Variants in DPF3 observed in about 807,000 individuals in gnomAD.
DPF3 encodes double PHD fingers 3, also known as zinc finger protein DPF3.
DPF3 carries 18 observed loss-of-function variants against 56.8 expected under a neutral mutation model. The observed-to-expected ratio is 0.32, with a 90% confidence interval of 0.22 to 0.47. DPF3 has a LOEUF of 0.47. DPF3 is among the 20% of genes least tolerant of loss of function. The pLI is 1.00. For synonymous variants in DPF3, 188 were observed against 180.2 expected (o/e 1.04, Z -0.35); for missense variants, 403 against 488.8 (o/e 0.82, Z 1.65).
intron 8 of DPF3, among the ~76,000 whole-genome samples, chr14:72,672,361 A>G (rs765135323): frequency 6.6e-6 from 1 of 152,110 alleles, no homozygotes; most frequent in African/African-American, 2.4e-5. Flanking sequence ...GAGGGGAAGG[A>G]AGCTCTTCCA....
At chr14:72,823,245 C>T (rs1226184405) in intron 1 of DPF3, among the ~76,000 whole-genome samples, 1 of 152,212 alleles carries the variant, frequency 6.6e-6, no homozygotes, top group African/African-American at 2.4e-5. Context: ...AGGGATGTCC[C>T]TAATTACTAG....
rs777016092 is a variant in DPF3, at chr14:72,731,937, G to A, written c.302-3C>T. ...CTTCTTCAGGGGAAGCTCCACTTCT[G>A]AAAAACAAAGATAGAAAGGCAGGTC... On this transcript the variant is annotated splice_polypyrimidine_tract_variant and splice_region_variant and intron_variant, in intron 3 of 10. Coordinates refer to ENST00000556509, the MANE Select transcript of DPF3 (RefSeq NM_001280542.3). 76 of 1,575,062 alleles carry A rather than the reference G, an allele frequency of 4.8e-5. No individual in the cohort carries two copies. Among genetic ancestry groups the A allele is most frequent in the Non-Finnish European group, 6.1e-5 (71 of 1,160,300 alleles).
chr14:72,765,635 A>G (rs903274494), intron 2 of DPF3, among the ~76,000 whole-genome samples: 7 of 152,250 alleles, frequency 4.6e-5, no homozygotes, highest in Admixed American at 6.5e-5. Context: ...GAAGCCAGAC[A>G]TGCCCTTGTC....
chr14:72,619,871 G>T, intron 10 of DPF3, 32 bp downstream of exon 10: 1 of 1,512,836 alleles, frequency 6.6e-7, no homozygotes, highest in South Asian at 1.2e-5. Flanking sequence ...AGTATCTGTT[G>T]CTGTTCTTAT....
Position 72,778,693 on chromosome 14 carries a change from A to T in DPF3, c.33-6800T>A, listed in dbSNP as rs907620960. Among the ~76,000 whole-genome samples the T allele has an allele frequency of 2.0e-5, 3 of 152,258 alleles. No individual in the cohort carries two copies. In the South Asian group the frequency reaches 6.2e-4, roughly 32 times the overall value. On this transcript the variant is annotated intron_variant, in intron 1 of 10. Coordinates refer to ENST00000556509, the MANE Select transcript of DPF3 (RefSeq NM_001280542.3). ...ACTTCCGGTTTAAGCTACCCAGTCTATGCCATTTTAATACAGCAGCTGGAC... is the reference window on the plus strand; with the variant it reads ...ACTTCCGGTTTAAGCTACCCAGTCTTTGCCATTTTAATACAGCAGCTGGAC...
intron 1 of DPF3, among the ~76,000 whole-genome samples, chr14:72,802,283 G>T (rs2041217869): frequency 6.6e-6 from 1 of 152,166 alleles, no homozygotes; most frequent in South Asian, 2.1e-4. Context: ...TACACAACCT[G>T]GAGTCAGGAG....
At chr14:72,694,493 T>C (rs1887828582) in intron 6 of DPF3, among the ~76,000 whole-genome samples, 1 of 152,200 alleles carries the variant, frequency 6.6e-6, no homozygotes, top group Admixed American at 6.5e-5. Context: ...GGCTGTGTGG[T>C]CCTGAGAGTA....
chr14:72,845,828 C>T (rs987871131), intron 1 of DPF3, among the ~76,000 whole-genome samples: 2 of 152,156 alleles, frequency 1.3e-5, no homozygotes, highest in South Asian at 4.1e-4. Context: ...TTTCACATGA[C>T]ACCTGCAGAA....
rs1453480175 is a variant in DPF3, at chr14:72,614,687, A to G, written c.*4610T>C. Among the ~76,000 whole-genome samples, 1 of 147,624 alleles carries G rather than the reference A, an allele frequency of 6.8e-6. No individual in the cohort carries two copies. On this transcript the variant is annotated 3_prime_UTR_variant, in exon 11 of 11. Transcript: ENST00000556509. ...CAACGGGCGGCCTCAAGAAAGAGGG[A>G]GCTGAATCAGTGTTCAGAACTGGGC...
chr14:72,704,173 T>C (rs1002137006), intron 6 of DPF3, among the ~76,000 whole-genome samples: 1 of 152,272 alleles, frequency 6.6e-6, no homozygotes, highest in Non-Finnish European at 1.5e-5. Context: ...TTCTTCCAAC[T>C]GGCATCCCTT....
At chr14:72,841,475 C>G (rs1052990649) in intron 1 of DPF3, among the ~76,000 whole-genome samples, 2 of 152,058 alleles carry the variant, frequency 1.3e-5, no homozygotes, top group Admixed American at 6.5e-5. Flanking sequence ...TTGATTTTCA[C>G]TCAAAAATTC....
At chr14:72,683,821 G>A (rs548808961) in intron 7 of DPF3, among the ~76,000 whole-genome samples, 4 of 152,260 alleles carry the variant, frequency 2.6e-5, no homozygotes, top group African/African-American at 9.6e-5. Flanking sequence ...TCCCCTGGTA[G>A]GGTGGCCACG....
intron 8 of DPF3, among the ~76,000 whole-genome samples, chr14:72,632,750 T>C (rs1009371891): frequency 8.9e-5 from 7 of 79,038 alleles, no homozygotes; most frequent in Admixed American, 1.5e-4. Flanking sequence ...GAGGGAAGGA[T>C]GGAGGGAGGG....
intron 1 of DPF3, among the ~76,000 whole-genome samples, chr14:72,869,107 A>T (rs921425693): frequency 6.6e-6 from 1 of 152,170 alleles, no homozygotes; most frequent in African/African-American, 2.4e-5. Context: ...GGGTCCCCCA[A>T]CATGCACAGG....
intron 4 of DPF3, 176 bp downstream of exon 4, chr14:72,731,631 A>G (rs1889650292): frequency 3.7e-6 from 3 of 802,652 alleles, no homozygotes; most frequent in Non-Finnish European, 3.9e-6. Context: ...CTCCTTCGGA[A>G]GATAGGTTAA....
chr14:72,693,680 TG>T (rs1033718095), intron 6 of DPF3, among the ~76,000 whole-genome samples: 6 of 152,138 alleles, frequency 3.9e-5, no homozygotes, highest in Admixed American at 6.5e-5. Context: ...CAACATCCCA[TG>T]ACACAGATGA....
rs377478094 is a variant in DPF3 at position 72,641,676 on chromosome 14, A to G, written c.872-11940T>C. ...AAACGGAATGGTGAGGTGAGGACAG[A>G]AATGGTGGCAGGCAGCAATGTTGGT... On this transcript the variant is annotated intron_variant, in intron 8 of 10. Transcript: ENST00000556509. Among the ~76,000 whole-genome samples, 28 of 152,336 alleles carry G rather than the reference A, an allele frequency of 1.8e-4. No homozygotes were observed. The East Asian group carries it at 5.0e-3, about 27-fold the overall frequency.
chr14:72,834,275 T>A (rs991707645), intron 1 of DPF3, among the ~76,000 whole-genome samples: 2 of 151,908 alleles, frequency 1.3e-5, no homozygotes, highest in Admixed American at 1.3e-4. Context: ...GGCGGGTGGA[T>A]TACTTGAGGT....
At chr14:72,714,640 CTG>C (rs1888826771) in intron 5 of DPF3, 139 bp from the exon 6 acceptor site, 5 of 903,348 alleles carry the variant, frequency 5.5e-6, no homozygotes, top group Non-Finnish European at 5.0e-6. Context: ...GGGGAGGAAA[CTG>C]AGGCCCAGAG....
Sources: gnomAD v4.1 joint callset for allele counts (sites outside exome capture counted in the v4.1 genomes callset) on GRCh38, gnomAD v4.1.1 for gene constraint, MANE v1.5 for transcripts, NCBI Gene and HGNC (gene_info 2026-07-23, HGNC 2026-07-21) for gene names.